The following TMEM33 variants were observed in gnomAD, a reference collection of about 807,000 sequenced individuals.
The protein encoded by TMEM33 is transmembrane protein 33.
TMEM33 carries 16 observed loss-of-function variants against 29.7 expected under a neutral mutation model. That is an observed-to-expected ratio of 0.54 (90% CI 0.36 to 0.82). The LOEUF is 0.82. Among genes scored for constraint, TMEM33 ranks in the 40% least tolerant of loss-of-function variants. The pLI is 0.00. For missense variants in TMEM33, 252 were observed against 295.3 expected (o/e 0.85, Z 1.08); for synonymous variants, 112 against 109.4 (o/e 1.02, Z -0.15).
At chr4:41,935,212 T>C (rs1712158334), upstream of TMEM33, 1 of 567,946 alleles carries the variant, frequency 1.8e-6, no homozygotes. Context: ...AGCTCCACCT[T>C]CGCTCCCGTC....
Position 41,949,307 on chromosome 4 carries a change from A to G in TMEM33, c.536A>G (p.Gln179Arg), listed in dbSNP as rs1469054810. 6.2e-7 allele frequency: 1 copy of G among 1,607,578 alleles called. No individual in the cohort carries two copies. The highest frequency in any genetic ancestry group is 2.2e-5 in the East Asian group (1 of 44,614). ...CTTGTATTTGTTTATTTCAGTGGTC[A>G]AGGAAGTTTGCTCCAACCTTTTATA... is the stretch of plus-strand genomic sequence containing the variant. ...PATVFMLFSGQGSLLQPFIYY... is the reference protein window; with the variant it reads ...PATVFMLFSGRGSLLQPFIYY... Residue 179 changes from glutamine to arginine, a missense_variant, in exon 6 of 7, where the codon CAA (glutamine) becomes CGA (arginine). Transcript: ENST00000504986.
rs567501937 is a variant in TMEM33, at chr4:41,940,542, C to T, written c.328+1159C>T. Among the ~76,000 whole-genome samples the T allele has an allele frequency of 1.6e-4, 25 of 152,054 alleles. 1 individual carries two copies. The highest frequency in any genetic ancestry group is 5.1e-4 in the African/African-American group (21 of 41,504). ...TAAGAACTTGAATTTAGGCCAGGCG[C>T]GGTGGCTCACGTGCGGTGGCACTTT... is the stretch of plus-strand genomic sequence containing the variant. On this transcript the variant is annotated intron_variant, in intron 3 of 6. Transcript: ENST00000504986.
rs189063759 is a variant in TMEM33, at chr4:41,954,454, T to A, written c.*255T>A. ...CTAGTGATAAATATACCAGTTTTTT[T>A]AAAAAGATGCTGTTGTGCCTATATC... On this transcript the variant is annotated 3_prime_UTR_variant, in exon 7 of 7. Transcript: ENST00000504986. The A allele has an allele frequency of 7.6e-4, 195 of 255,330 alleles. No individual in the cohort carries two copies. The highest frequency in any genetic ancestry group is 1.3e-3 in the Non-Finnish European group (171 of 133,044). 15.8% of individuals were successfully genotyped at this position (255,330 alleles called of 1,614,324 possible).
intron 3 of TMEM33, chr4:41,939,613 C>T: frequency 1.7e-6 from 1 of 586,958 alleles, no homozygotes; most frequent in Non-Finnish European, 3.1e-6. Flanking sequence ...CTCTTGTAAG[C>T]TTCCCTATTA....
intron 5 of TMEM33, among the ~76,000 whole-genome samples, chr4:41,947,860 T>G (rs1047630745): frequency 6.6e-6 from 1 of 152,216 alleles, no homozygotes; most frequent in African/African-American, 2.4e-5. Flanking sequence ...GAGTTTATCT[T>G]ACACATGCGT....
rs1207460779 is a variant in TMEM33, at chr4:41,955,648, C to CTATTTTTG, written c.*1460_*1467dup. 1.7e-3 allele frequency: 263 copies of CTATTTTTG among 152,506 alleles called. 1 individual carries two copies. The highest frequency in any genetic ancestry group is 6.2e-3 in the African/African-American group (256 of 41,398). 9.4% of individuals were successfully genotyped at this position (152,506 alleles called of 1,614,324 possible). ...TACTTGATAGCTTAACTATAATCAG[C>CTATTTTTG]TATTTTTGTATTTTTGTAATATTTG... is the stretch of plus-strand genomic sequence containing the variant. On this transcript the variant is annotated 3_prime_UTR_variant, in exon 7 of 7. Transcript: ENST00000504986.
intron 3 of TMEM33, chr4:41,939,693 T>C (rs1026226392): frequency 1.9e-5 from 9 of 472,654 alleles, no homozygotes; most frequent in African/African-American, 1.8e-4. Flanking sequence ...TTTACATTTT[T>C]TTCATTTAAT....
intron 6 of TMEM33, chr4:41,953,785 A>G (rs1474373786): frequency 2.1e-6 from 1 of 477,436 alleles, no homozygotes; most frequent in Non-Finnish European, 4.1e-6. Flanking sequence ...AACAGTTACA[A>G]TAGTAACACC....
chr4:41,940,807 CAAAAAAAA>C (rs11390153), intron 3 of TMEM33, among the ~76,000 whole-genome samples: 1 of 53,274 alleles, frequency 1.9e-5, no homozygotes, highest in Non-Finnish European at 3.9e-5. Flanking sequence ...GACTCCTTCT[CAAAAAAAA>C]AAAAAAAAAA....
At chr4:41,940,807 CAAAA>C (rs11390153) in intron 3 of TMEM33, among the ~76,000 whole-genome samples, 12 of 53,276 alleles carry the variant, frequency 2.3e-4, no homozygotes, top group Admixed American at 2.2e-3. Flanking sequence ...GACTCCTTCT[CAAAA>C]AAAAAAAAAA....
upstream of TMEM33, chr4:41,935,300 G>C (rs1293634738): frequency 3.2e-5 from 22 of 679,666 alleles, no homozygotes; most frequent in South Asian, 1.5e-4. Context: ...GGATCCAGTC[G>C]GCTGCACCAG....
At position 41,956,581 on chromosome 4, in the gene TMEM33, T is replaced by A. The variant is rs1176653550; in HGVS notation, c.*2382T>A. The A allele has an allele frequency of 6.6e-6, 1 of 152,164 alleles. No individual in the cohort carries two copies. The highest frequency in any genetic ancestry group is 1.9e-4 in the East Asian group (1 of 5,192). 9.4% of individuals were successfully genotyped at this position (152,164 alleles called of 1,614,324 possible). The stretch of plus-strand genomic sequence containing the variant: ...TCCTGTTTATTTTGAAAAGTACTGT[T>A]GGTCAAGATAATTGGTCAATAATCC... On this transcript the variant is annotated 3_prime_UTR_variant, in exon 7 of 7. Transcript: ENST00000504986.
Position 41,954,211 on chromosome 4 carries a change from G to A in TMEM33, c.*12G>A. ...CAACAGTTCCATAGTTTAACATCTAGTTAAGCTACAAATATAGTATAAGCA... is the reference window on the plus strand; with the variant it reads ...CAACAGTTCCATAGTTTAACATCTAATTAAGCTACAAATATAGTATAAGCA... On this transcript the variant is annotated 3_prime_UTR_variant, in exon 7 of 7. Coordinates refer to ENST00000504986, the MANE Select transcript of TMEM33 (RefSeq NM_018126.3). 1 of 1,612,938 alleles carries A rather than the reference G, an allele frequency of 6.2e-7. No homozygotes were observed. The highest frequency in any genetic ancestry group is 8.5e-7 in the Non-Finnish European group (1 of 1,179,406).
intron 3 of TMEM33, among the ~76,000 whole-genome samples, chr4:41,941,568 G>A (rs1332131029): frequency 1.3e-5 from 2 of 152,194 alleles, no homozygotes. Context: ...CATGACTGGT[G>A]AAGAAAACCT....
At chr4:41,950,663 A>T (rs1713000700) in intron 6 of TMEM33, among the ~76,000 whole-genome samples, 1 of 152,126 alleles carries the variant, frequency 6.6e-6, no homozygotes, top group Non-Finnish European at 1.5e-5. Context: ...GTGAGTCTCT[A>T]GTAGCAAATT....
At chr4:41,950,862 A>G (rs577211022) in intron 6 of TMEM33, among the ~76,000 whole-genome samples, 2 of 152,256 alleles carry the variant, frequency 1.3e-5, no homozygotes, top group Non-Finnish European at 2.9e-5. Context: ...AAATCATATT[A>G]GTACATCTAG....
At position 41,939,262 on chromosome 4, in the gene TMEM33, G is replaced by C. The variant is rs370328683; in HGVS notation, c.207G>C (p.Arg69Ser). ...CAAATGCTCTTACCAGTGCTCTGAG[G>C]CTGCATCAAAGATTACCACACTTCC... is the stretch of plus-strand genomic sequence containing the variant. The part of the protein sequence containing the change: ...LLANALTSAL[R>S]LHQRLPHFQL... Residue 69 changes from arginine to serine, a missense_variant, in exon 3 of 7, where the codon AGG (arginine) becomes AGC (serine). Arg to Ser is a moderately radical substitution (Grantham distance 110, BLOSUM62 -1). Coordinates refer to ENST00000504986, the MANE Select transcript of TMEM33 (RefSeq NM_018126.3). 1 of 1,613,274 alleles carries C rather than the reference G, an allele frequency of 6.2e-7. No homozygotes were observed. The highest frequency in any genetic ancestry group is 8.5e-7 in the Non-Finnish European group (1 of 1,179,830).
In TMEM33 at chr4:41,943,830, C is replaced by T; in HGVS notation, c.396+16C>T. On this transcript the variant is annotated intron_variant, in intron 4 of 6. Transcript: ENST00000504986. The stretch of plus-strand genomic sequence containing the variant: ...GGTCCTTGACGTAAGTAAAACTGCT[C>T]TTTGTCTGACTTCTGAATTACAGAT... The T allele has an allele frequency of 1.2e-6, 2 of 1,608,406 alleles. No homozygotes were observed. Among genetic ancestry groups the T allele is most frequent in the Middle Eastern group, 1.7e-4 (1 of 6,048 alleles).
chr4:41,944,506 G>A (rs1406737564), intron 4 of TMEM33, among the ~76,000 whole-genome samples: 2 of 152,158 alleles, frequency 1.3e-5, no homozygotes, highest in South Asian at 2.1e-4. Context: ...GTTGTGGTTA[G>A]AGAGAAATAA....
Sources: allele counts gnomAD v4.1 joint callset (sites outside exome capture counted in the v4.1 genomes callset), GRCh38; gene constraint gnomAD v4.1.1; transcripts MANE v1.5; gene names NCBI Gene and HGNC (gene_info 2026-07-23, HGNC 2026-07-21).